CRB1: variants seen among roughly 807,000 people sequenced by gnomAD.
CRB1 encodes crumbs cell polarity complex component 1, also known as protein crumbs homolog 1.
Under a neutral mutation model 120.0 loss-of-function variants are expected in CRB1, and 83 were observed. That is an observed-to-expected ratio of 0.69 (90% confidence interval 0.58 to 0.83). CRB1 has a LOEUF of 0.83. Among genes scored for constraint, CRB1 ranks in the 40% least tolerant of loss-of-function variants. The pLI, the probability that CRB1 is intolerant of heterozygous loss-of-function variation, is 0.00. For synonymous variants in CRB1, 625 were observed against 612.5 expected (o/e 1.02, Z -0.30); for missense variants, 1,699 against 1,687.6 (o/e 1.01, Z -0.12).
intron 11 of CRB1, among the ~76,000 whole-genome samples, chr1:197,452,865 A>G (rs1666039028): frequency 1.3e-5 from 2 of 152,232 alleles, no homozygotes; most frequent in Non-Finnish European, 2.9e-5. Flanking sequence ...TAACTGTCAT[A>G]TGATTCATGA....
chr1:197,328,479 C>T lies in CRB1; in HGVS notation c.128C>T (p.Ser43Phe). Reference sequence around the variant, plus strand: ...CTCTCAAATTCTTGCCAAAACAATTCTACATGCAAAGATTTTTCAAAAGAC... The same window carrying T: ...CTCTCAAATTCTTGCCAAAACAATTTTACATGCAAAGATTTTTCAAAAGAC... ...RCLSNSCQNN[S>F]TCKDFSKDND... The change falls in exon 2 of 12, where the codon TCT becomes TTT. Residue 43 changes from serine to phenylalanine, a missense_variant. Ser to Phe is a radical substitution (Grantham distance 155). Coordinates refer to ENST00000367400, the MANE Select transcript of CRB1 (RefSeq NM_201253.3). 6.2e-7 allele frequency: 1 copy of T among 1,614,162 alleles called. No homozygotes were observed. Among genetic ancestry groups the T allele is most frequent in the South Asian group, 1.1e-5 (1 of 91,070 alleles).
At chr1:197,388,725 G>C (rs547927488) in intron 5 of CRB1, among the ~76,000 whole-genome samples, 2 of 152,014 alleles carry the variant, frequency 1.3e-5, no homozygotes, top group African/African-American at 4.8e-5. Context: ...ATTCACCCCT[G>C]AAATGCTTCA....
chr1:197,229,202 T>C, the CRB1 span, among the ~76,000 whole-genome samples: 1 of 152,192 alleles, frequency 6.6e-6, no homozygotes, highest in East Asian at 1.9e-4. Context: ...CAGTCTGTGA[T>C]ATTCTGTCGT....
At chr1:197,257,107 C>T in the CRB1 span, among the ~76,000 whole-genome samples, 1 of 151,910 alleles carries the variant, frequency 6.6e-6, no homozygotes, top group East Asian at 1.9e-4. Flanking sequence ...ATGTAACTCT[C>T]GGTCCAAGTC....
intron 5 of CRB1, among the ~76,000 whole-genome samples, chr1:197,360,142 A>G (rs1432832833): frequency 6.6e-6 from 1 of 152,118 alleles, no homozygotes; most frequent in Non-Finnish European, 1.5e-5. Context: ...CTACTCAGCC[A>G]CATAAGAATG....
At position 197,474,212 on chromosome 1, in the gene CRB1, G is replaced by C. The variant is rs150142629; in HGVS notation, c.4006-3452G>C. On this transcript the variant is annotated intron_variant, in intron 11 of 11. Transcript: ENST00000367400. ...ATTTTACATTCTTTGTGTTTTATTT[G>C]GTCCCATCCTTTGAAGTAGATGTTA... 4.6e-3 allele frequency among the ~76,000 whole-genome samples: 696 copies of C among 152,210 alleles called. 9 individuals are homozygous for C. Among genetic ancestry groups the C allele is most frequent in the African/African-American group, 0.016 (650 of 41,534 alleles).
chr1:197,223,429 G>A, the CRB1 span, among the ~76,000 whole-genome samples: 9,302 of 152,080 alleles, frequency 0.061, 967 homozygotes, highest in African/African-American at 0.21. Context: ...CAGTATTGAT[G>A]TGAATCAAAC....
chr1:197,279,842 T>C (rs985151398), intron 1 of CRB1, among the ~76,000 whole-genome samples: 29 of 151,712 alleles, frequency 1.9e-4, no homozygotes, highest in African/African-American at 7.0e-4. Context: ...AGCCTTTTTT[T>C]TTTTTTAAAT....
At chr1:197,296,436 G>A (rs987211189) in intron 1 of CRB1, among the ~76,000 whole-genome samples, 1 of 151,980 alleles carries the variant, frequency 6.6e-6, no homozygotes, top group Non-Finnish European at 1.5e-5. Context: ...ATTTCTACTT[G>A]TGTTATCCAA....
At chr1:197,226,496 G>T in the CRB1 span, among the ~76,000 whole-genome samples, 1 of 152,134 alleles carries the variant, frequency 6.6e-6, no homozygotes, top group South Asian at 2.1e-4. Context: ...TTTAGACTGT[G>T]TGTTTGTGCC....
intron 1 of CRB1, among the ~76,000 whole-genome samples, chr1:197,269,930 A>AT (rs1654815818): frequency 6.6e-6 from 1 of 152,126 alleles, no homozygotes; most frequent in South Asian, 2.1e-4. Context: ...CCAGCATAGT[A>AT]TTTTTATTCG....
rs942934171 is a variant in CRB1 at position 197,445,713 on chromosome 1, G to T, written c.4005+3421G>T. Among the ~76,000 whole-genome samples, 4 of 152,164 alleles carry T rather than the reference G, an allele frequency of 2.6e-5. No individual in the cohort carries two copies. The East Asian group carries it at 5.8e-4, about 22-fold the overall frequency. On this transcript the variant is annotated intron_variant, in intron 11 of 11. Coordinates refer to ENST00000367400, the MANE Select transcript of CRB1 (RefSeq NM_201253.3). The stretch of plus-strand genomic sequence containing the variant: ...GTGAGTTAGGCAGGAAATCAGTGAA[G>T]AAATCTGTTTCTCAACTGCCAGTAT...
At chr1:197,301,591 T>A (rs1322957950) in intron 1 of CRB1, among the ~76,000 whole-genome samples, 3 of 152,210 alleles carry the variant, frequency 2.0e-5, no homozygotes, top group Non-Finnish European at 2.9e-5. Flanking sequence ...CTAGGTGCCA[T>A]TCAGAACATT....
At chr1:197,443,853 A>G (rs957547126) in intron 11 of CRB1, 1 of 152,146 alleles carries the variant, frequency 6.6e-6, no homozygotes, top group Non-Finnish European at 1.5e-5. Flanking sequence ...GTACGTTATC[A>G]TTTATGCTAA....
chr1:197,330,967 G>T (rs1433869550), intron 2 of CRB1, among the ~76,000 whole-genome samples: 4 of 152,164 alleles, frequency 2.6e-5, no homozygotes, highest in Non-Finnish European at 5.9e-5. Flanking sequence ...GGCCGAGGCG[G>T]GAGGATCACG....
Position 197,477,829 on chromosome 1 carries a change from G to C in CRB1, c.4171G>C (p.Val1391Leu), listed in dbSNP as rs758824025. Residue 1391 changes from valine to leucine, a missense_variant, in exon 12 of 12, where the codon GTG becomes CTG. Coordinates refer to ENST00000367400, the MANE Select transcript of CRB1 (RefSeq NM_201253.3). Reference protein sequence around the residue: ...PSRQEKEGSRVEMWNLMPPPA... With the variant: ...PSRQEKEGSRLEMWNLMPPPA... ...CCGTCAGGAGAAGGAGGGCTCCCGA[G>C]TGGAAATGTGGAACTTGATGCCACC... 2.2e-5 allele frequency: 36 copies of C among 1,613,792 alleles called. No homozygotes were observed. The highest frequency in any genetic ancestry group is 3.0e-5 in the Non-Finnish European group (35 of 1,179,882).
intron 5 of CRB1, among the ~76,000 whole-genome samples, chr1:197,410,006 C>T (rs936836018): frequency 2.6e-5 from 4 of 152,116 alleles, no homozygotes; most frequent in Non-Finnish European, 5.9e-5. Flanking sequence ...AGAATGATCT[C>T]GATCTCCTGA....
the CRB1 span, among the ~76,000 whole-genome samples, chr1:197,232,370 C>A: frequency 2.0e-5 from 3 of 151,964 alleles, no homozygotes; most frequent in African/African-American, 7.3e-5. Context: ...GGAAATGACA[C>A]TCTAAGACAA....
chr1:197,334,955 T>C (rs1053741506), intron 2 of CRB1, among the ~76,000 whole-genome samples: 1 of 152,058 alleles, frequency 6.6e-6, no homozygotes, highest in Non-Finnish European at 1.5e-5. Context: ...AATAACTGCA[T>C]GGAGAAAAGT....
Sources: allele counts gnomAD v4.1 joint callset (sites outside exome capture counted in the v4.1 genomes callset), GRCh38; gene constraint gnomAD v4.1.1; transcripts MANE v1.5; gene names NCBI Gene and HGNC (gene_info 2026-07-23, HGNC 2026-07-21).